LINS1: variants seen among roughly 807,000 people sequenced by gnomAD.
LINS1 encodes the protein lines homolog 1.
LINS1 carries 27 observed loss-of-function variants against 41.6 expected under a neutral mutation model. The observed-to-expected ratio is 0.65, with a 90% CI of 0.48 to 0.89. The LOEUF is 0.89. Among genes scored for constraint, LINS1 ranks in the 40% least tolerant of loss-of-function variants. The probability of loss-of-function intolerance (pLI) is 0.00; values close to 1 mark genes in which losing one functional copy is unlikely to be tolerated. For missense variants in LINS1, 955 were observed against 884.1 expected, an observed-to-expected ratio of 1.08 and a Z score of -1.02; for synonymous variants, 336 against 312.9, an observed-to-expected ratio of 1.07 and a Z score of -0.78.
intron 1 of LINS1, among the ~76,000 whole-genome samples, chr15:100,592,835 A>G (rs2141350972): frequency 6.6e-6 from 1 of 152,370 alleles, no homozygotes; most frequent in East Asian, 1.9e-4. Flanking sequence ...AATGACGACA[A>G]TAGGTGCTAG....
At chr15:100,587,143 G>A (rs1164375700) in intron 1 of LINS1, among the ~76,000 whole-genome samples, 5 of 121,220 alleles carry the variant, frequency 4.1e-5, no homozygotes, top group Non-Finnish European at 8.2e-5. Context: ...TGGCAATAGA[G>A]GGAGACTCTG....
intron 3 of LINS1, among the ~76,000 whole-genome samples, chr15:100,577,378 C>A (rs1193078581): frequency 6.6e-6 from 1 of 152,114 alleles, no homozygotes; most frequent in Non-Finnish European, 1.5e-5. Flanking sequence ...TCTTATACAC[C>A]AATAACAGAC....
At chr15:100,574,932 T>C (rs1362208097) in intron 4 of LINS1, 55 bp downstream of exon 4, 1 of 1,568,148 alleles carries the variant, frequency 6.4e-7, no homozygotes, top group Non-Finnish European at 8.8e-7. Context: ...TCATTATAAA[T>C]GCAACGCTCC....
intron 1 of LINS1, among the ~76,000 whole-genome samples, chr15:100,590,767 G>A (rs1380919960): frequency 1.3e-5 from 2 of 152,320 alleles, no homozygotes; most frequent in East Asian, 3.9e-4. Flanking sequence ...TTGGTTAAAT[G>A]AGTAGGCTCT....
At chr15:100,589,704 T>A (rs1279406132) in intron 1 of LINS1, among the ~76,000 whole-genome samples, 1 of 152,238 alleles carries the variant, frequency 6.6e-6, no homozygotes, top group African/African-American at 2.4e-5. Flanking sequence ...TGGGCCCATA[T>A]TCCTGGGAAA....
In LINS1 at chr15:100,580,370, T is replaced by TTGCTG; in HGVS notation, c.400-19_400-18insCAGCA. 1.2e-6 allele frequency: 2 copies of TTGCTG among 1,607,028 alleles called. No homozygotes were observed. Among genetic ancestry groups the TTGCTG allele is most frequent in the South Asian group, 2.2e-5 (2 of 90,880 alleles). On this transcript the variant is annotated intron_variant, in intron 2 of 6. Transcript: ENST00000314742. ...ATGCAGATCTACAGGAAAACAAATA[T>TTGCTG]AATTAACCACTATTGCTGAATGTTC...
At chr15:100,574,582 C>T (rs1445734667) in intron 4 of LINS1, among the ~76,000 whole-genome samples, 1 of 152,088 alleles carries the variant, frequency 6.6e-6, no homozygotes, top group Non-Finnish European at 1.5e-5. Context: ...GTGGTGAGCG[C>T]CTGTAATCCC....
chr15:100,587,840 T>G (rs2038875795), intron 1 of LINS1, among the ~76,000 whole-genome samples: 1 of 152,266 alleles, frequency 6.6e-6, no homozygotes, highest in Non-Finnish European at 1.5e-5. Context: ...ATTCTCACTC[T>G]GCCTAATTTC....
At chr15:100,599,937 G>A (rs141641046) in intron 1 of LINS1, among the ~76,000 whole-genome samples, 22,799 of 152,014 alleles carry the variant, frequency 0.15, 1,939 homozygotes, top group Admixed American at 0.27. Flanking sequence ...GTGGTGGAGT[G>A]TGTCTGTAGT....
intron 1 of LINS1, among the ~76,000 whole-genome samples, chr15:100,599,179 T>G (rs1399616436): frequency 1.3e-5 from 2 of 152,244 alleles, no homozygotes. Flanking sequence ...ATGTTCCCAT[T>G]TTTGTGAGTT....
chr15:100,600,566 A>AAAAAAAAAAAAAAAAAAAG (rs2039442681), intron 1 of LINS1, among the ~76,000 whole-genome samples: 1 of 147,314 alleles, frequency 6.8e-6, no homozygotes, highest in Non-Finnish European at 1.5e-5. Context: ...AAAAAAAAAA[A>AAAAAAAAAAAAAAAAAAAG]AAAAACAGGG....
chr15:100,570,014 T>C lies in LINS1; in HGVS notation c.1498A>G (p.Lys500Glu), dbSNP rs947835542. Residue 500 changes from lysine (K) to glutamate (E), a missense_variant, in exon 7 of 7, where the codon AAA becomes GAA. Transcript: ENST00000314742. ...NPHCIFLFFL[K>E]NIGFDSTVLL... ...ACTGTGGAATCAAATCCTATATTTT[T>C]CAAGAAGAACAAGAAAATACAGTGA... 6 of 1,553,406 alleles carry C rather than the reference T, an allele frequency of 3.9e-6. No individual in the cohort carries two copies. The highest frequency in any genetic ancestry group is 1.9e-5 in the Admixed American group (1 of 51,526).
Position 100,571,921 on chromosome 15 carries a change from G to A in LINS1, c.1367C>T (p.Ser456Leu), listed in dbSNP as rs748799184. ...DDDMLEAAKA[S>L]LGIYLTLTRG... The stretch of plus-strand genomic sequence containing the variant: ...GGTCAGTGTTAAGTAGATGCCCAGT[G>A]ATGCCTTGGCAGCCTCCAGCATGTC... The change falls in exon 6 of 7, where the codon TCA (serine) becomes TTA (leucine). Residue 456 changes from serine (S) to leucine (L), a missense_variant. Coordinates refer to ENST00000314742, the MANE Select transcript of LINS1 (RefSeq NM_001040616.3). 24 of 1,614,094 alleles carry A rather than the reference G, an allele frequency of 1.5e-5. No homozygotes were observed. Among genetic ancestry groups the A allele is most frequent in the Non-Finnish European group, 1.9e-5 (23 of 1,180,050 alleles).
intron 3 of LINS1, among the ~76,000 whole-genome samples, chr15:100,579,907 T>C (rs994679254): frequency 3.9e-5 from 6 of 152,192 alleles, no homozygotes; most frequent in Non-Finnish European, 7.3e-5. Context: ...CTGATTATGA[T>C]TGACAACACA....
intron 4 of LINS1, among the ~76,000 whole-genome samples, chr15:100,574,488 A>T (rs2141281384): frequency 6.6e-6 from 1 of 152,336 alleles, no homozygotes; most frequent in Non-Finnish European, 1.5e-5. Flanking sequence ...CGGGTGGATC[A>T]CTTGAGGTCA....
intron 1 of LINS1, among the ~76,000 whole-genome samples, chr15:100,594,063 C>CA (rs965649751): frequency 1.1e-4 from 16 of 152,138 alleles, no homozygotes; most frequent in African/African-American, 3.9e-4. Context: ...AACTCCCTGG[C>CA]AAAAAATGGC....
At chr15:100,574,867 C>T in intron 4 of LINS1, 120 bp downstream of exon 4, 1 of 1,056,356 alleles carries the variant, frequency 9.5e-7, no homozygotes, top group Non-Finnish European at 1.4e-6. Context: ...TTGGAAGAGA[C>T]TGACTTTTTC....
At chr15:100,585,940 T>C (rs2038784544) in intron 1 of LINS1, among the ~76,000 whole-genome samples, 1 of 152,246 alleles carries the variant, frequency 6.6e-6, no homozygotes, top group Non-Finnish European at 1.5e-5. Flanking sequence ...GTGTTTGGCA[T>C]AGAAGATTAT....
chr15:100,592,455 A>T (rs1303201542), intron 1 of LINS1, among the ~76,000 whole-genome samples: 2 of 152,056 alleles, frequency 1.3e-5, no homozygotes, highest in South Asian at 4.1e-4. Flanking sequence ...GACTGGGGGT[A>T]GGGCTGAAAG....
Sources: gnomAD v4.1 joint callset for allele counts (sites outside exome capture counted in the v4.1 genomes callset) on GRCh38, gnomAD v4.1.1 for gene constraint, MANE v1.5 for transcripts, NCBI Gene and HGNC (gene_info 2026-07-23, HGNC 2026-07-21) for gene names.